Variants in RBFOX3 observed in about 807,000 individuals in gnomAD.
RBFOX3 encodes the protein RNA binding protein fox-1 homolog 3.
Under a neutral mutation model 48.7 loss-of-function variants are expected in RBFOX3, and 17 were observed. The observed-to-expected ratio is 0.35, with a 90% CI of 0.24 to 0.52. The LOEUF (loss-of-function observed/expected upper bound fraction) is 0.52. Ranked by LOEUF, RBFOX3 falls within the 20% of genes least tolerant of loss-of-function variation. The pLI is 0.94. For synonymous variants in RBFOX3, 212 were observed against 209.5 expected, an observed-to-expected ratio of 1.01 and a Z score of -0.10; for missense variants, 382 against 497.5, an observed-to-expected ratio of 0.77 and a Z score of 2.21.
At chr17:79,406,792 G>A (rs992812209) in intron 2 of RBFOX3, among the ~76,000 whole-genome samples, 1 of 152,160 alleles carries the variant, frequency 6.6e-6, no homozygotes, top group Admixed American at 6.5e-5. Context: ...ATGGGAAAGG[G>A]TGACTCCCTA....
intron 2 of RBFOX3, among the ~76,000 whole-genome samples, chr17:79,429,052 A>G (rs1555727074): frequency 6.6e-6 from 1 of 151,588 alleles, no homozygotes; most frequent in African/African-American, 2.4e-5. Flanking sequence ...ATTCTCCCCT[A>G]CCCAGAACCT....
At position 79,307,279 on chromosome 17, in the gene RBFOX3, C is replaced by T. The variant is rs1011477909; in HGVS notation, c.-74+445G>A. ...TCCACCGGGAGATCTTGCGGTCACA[C>T]GGTCCTGTTCCACCCTAGGTCAGCC... On this transcript the variant is annotated intron_variant, in intron 3 of 14. Transcript: ENST00000693108. 2.6e-5 allele frequency among the ~76,000 whole-genome samples: 4 copies of T among 152,234 alleles called. No individual in the cohort carries two copies. In the East Asian group the frequency reaches 5.8e-4, roughly 22 times the overall value.
the RBFOX3 span, among the ~76,000 whole-genome samples, chr17:79,646,207 T>C: frequency 6.6e-6 from 1 of 152,184 alleles, no homozygotes; most frequent in African/African-American, 2.4e-5. Flanking sequence ...TTCCATCCCT[T>C]GTCACACACA....
rs1355356670 is a variant in RBFOX3 at position 79,491,832 on chromosome 17, C to T, written c.-319-9234G>A. 4.6e-5 allele frequency among the ~76,000 whole-genome samples: 7 copies of T among 152,316 alleles called. No homozygotes were observed. In the East Asian group the frequency reaches 1.2e-3, roughly 25 times the overall value. ...TGGTGGTTCATACCTGTAATCCCAG[C>T]ACTTTGGGAGGCCAAGGTGGGCAGA... On this transcript the variant is annotated intron_variant, in intron 1 of 14. Transcript: ENST00000693108.
rs111322018 is a variant in RBFOX3 at position 79,322,541 on chromosome 17, C to G, written c.-174-14717G>C. 1.6e-3 allele frequency among the ~76,000 whole-genome samples: 244 copies of G among 152,274 alleles called. 2 individuals are homozygous for G. The highest frequency in any genetic ancestry group is 5.7e-3 in the African/African-American group (236 of 41,556). On this transcript the variant is annotated intron_variant, in intron 2 of 14. Coordinates refer to ENST00000693108, the MANE Select transcript of RBFOX3 (RefSeq NM_001350451.2). ...AGCTGAGGACCTGGCTGGAGAAGCT[C>G]GCTTTCACAGGGAAGATGGAACATG...
At chr17:79,504,352 G>A (rs1279345815) in intron 1 of RBFOX3, among the ~76,000 whole-genome samples, 1 of 152,190 alleles carries the variant, frequency 6.6e-6, no homozygotes, top group African/African-American at 2.4e-5. Flanking sequence ...CACTAGCAAT[G>A]TGGCACATTT....
At chr17:79,289,519 T>C (rs1161743515) in intron 3 of RBFOX3, among the ~76,000 whole-genome samples, 2 of 152,260 alleles carry the variant, frequency 1.3e-5, no homozygotes, top group African/African-American at 4.8e-5. Context: ...CTGTCTTTTC[T>C]GTTTAAGCCA....
chr17:79,583,831 G>T (rs2093154694), intron 1 of RBFOX3, among the ~76,000 whole-genome samples: 1 of 152,354 alleles, frequency 6.6e-6, no homozygotes, highest in African/African-American at 2.4e-5. Flanking sequence ...CCGCGGCCAT[G>T]GTCCAGGCCA....
intron 2 of RBFOX3, among the ~76,000 whole-genome samples, chr17:79,441,609 C>T (rs1428072252): frequency 6.6e-6 from 1 of 152,194 alleles, no homozygotes; most frequent in Non-Finnish European, 1.5e-5. Context: ...GTTAGCCCTG[C>T]CAATACCTTG....
At chr17:79,453,110 G>T (rs1399613519) in intron 2 of RBFOX3, among the ~76,000 whole-genome samples, 1 of 152,250 alleles carries the variant, frequency 6.6e-6, no homozygotes, top group Non-Finnish European at 1.5e-5. Context: ...TCCTCAACCT[G>T]CAGTCACGGC....
intron 2 of RBFOX3, among the ~76,000 whole-genome samples, chr17:79,415,823 A>G (rs1388204157): frequency 1.3e-5 from 2 of 152,188 alleles, no homozygotes; most frequent in Admixed American, 1.3e-4. Context: ...GGCAGCCTGC[A>G]TGTGCTGGGG....
intron 4 of RBFOX3, among the ~76,000 whole-genome samples, chr17:79,119,198 AG>A (rs1301640397): frequency 1.3e-5 from 2 of 152,134 alleles, no homozygotes; most frequent in African/African-American, 4.8e-5. Flanking sequence ...GCCAACATAA[AG>A]GGGGGAGCTC....
intron 2 of RBFOX3, among the ~76,000 whole-genome samples, chr17:79,410,187 C>T (rs2064101047): frequency 6.6e-6 from 1 of 152,232 alleles, no homozygotes; most frequent in African/African-American, 2.4e-5. Context: ...AGTGTCCTGG[C>T]CGCCTGGCTG....
chr17:79,627,483 A>T, the RBFOX3 span, among the ~76,000 whole-genome samples: 1 of 152,260 alleles, frequency 6.6e-6, no homozygotes, highest in Admixed American at 6.5e-5. Context: ...CTCCTCTGCT[A>T]ACAGGAAAGA....
chr17:79,115,702 T>TGGGGGGGGGGGGGGG lies in RBFOX3; in HGVS notation c.13_14insCCCCCCCCCCCCCCC (p.Tyr5delinsSerProProProProHis). 2.7e-6 allele frequency: 1 copy of TGGGGGGGGGGGGGGG among 375,678 alleles called. No individual in the cohort carries two copies. The highest frequency in any genetic ancestry group is 5.0e-6 in the Non-Finnish European group (1 of 201,724). 23.3% of individuals were successfully genotyped at this position (375,678 alleles called of 1,614,324 possible). Reference sequence around the variant, plus strand: ...CGGAGGGGGGTACTGGGCGGGGGGGTAGGGCTGGGCCATCGCTTCAGGCGG... The same window carrying TGGGGGGGGGGGGGGG: ...CGGAGGGGGGTACTGGGCGGGGGGGTGGGGGGGGGGGGGGGAGGGCTGGGCCATCGCTTCAGGCGG... On this transcript the variant is annotated protein_altering_variant, in exon 5 of 15. Transcript: ENST00000693108.
intron 4 of RBFOX3, among the ~76,000 whole-genome samples, chr17:79,231,043 C>T (rs376233830): frequency 1.3e-5 from 2 of 152,040 alleles, no homozygotes; most frequent in African/African-American, 4.8e-5. Context: ...GCTGCACAGT[C>T]GTCCCAGCTG....
intron 2 of RBFOX3, among the ~76,000 whole-genome samples, chr17:79,359,678 G>T (rs1391159418): frequency 6.6e-6 from 1 of 152,060 alleles, no homozygotes; most frequent in Non-Finnish European, 1.5e-5. Flanking sequence ...CTCTGCAGGG[G>T]CCTCTTGGTG....
intron 1 of RBFOX3, among the ~76,000 whole-genome samples, chr17:79,504,515 C>T (rs1422474408): frequency 1.3e-5 from 2 of 152,210 alleles, no homozygotes; most frequent in Admixed American, 6.5e-5. Flanking sequence ...CATGGCCGAG[C>T]TCCCTCCAGA....
At position 79,480,790 on chromosome 17, in the gene RBFOX3, C is replaced by T. The variant is rs2078665270; in HGVS notation, c.-175+1664G>A. Among the ~76,000 whole-genome samples the T allele has an allele frequency of 6.6e-6, 1 of 152,206 alleles. No individual in the cohort carries two copies. Among genetic ancestry groups the T allele is most frequent in the South Asian group, 2.1e-4 (1 of 4,826 alleles). On this transcript the variant is annotated intron_variant, in intron 2 of 14. Coordinates refer to ENST00000693108, the MANE Select transcript of RBFOX3 (RefSeq NM_001350451.2). The surrounding 1 kb of genome is among the most constrained non-coding windows in gnomAD (Gnocchi z 4.8). ...CCCTTCTGTCCTGGGCAACTGCAGCCCCCACCATTCCCCGTGGTCTTAATG... is the reference window on the plus strand; with the variant it reads ...CCCTTCTGTCCTGGGCAACTGCAGCTCCCACCATTCCCCGTGGTCTTAATG...
Sources: gnomAD v4.1 joint callset for allele counts (sites outside exome capture counted in the v4.1 genomes callset) on GRCh38, gnomAD v4.1.1 for gene constraint, Gnocchi (gnomAD v3.1) non-coding constraint, MANE v1.5 for transcripts, NCBI Gene and HGNC (gene_info 2026-07-23, HGNC 2026-07-21) for gene names.